Variants in FAF1 observed in about 807,000 individuals in gnomAD.
FAF1 encodes Fas associated factor 1.
FAF1 carries 25 observed loss-of-function variants against 92.5 expected under a neutral mutation model. The observed-to-expected ratio is 0.27, with a 90% confidence interval of 0.20 to 0.38. FAF1 has a LOEUF of 0.38. Ranked by LOEUF, FAF1 falls within the 10% of genes least tolerant of loss-of-function variation. The pLI is 1.00. For missense variants in FAF1, 636 were observed against 793.3 expected, an observed-to-expected ratio of 0.80 and a Z score of 2.38; for synonymous variants, 234 against 273.2, an observed-to-expected ratio of 0.86 and a Z score of 1.42.
At chr1:50,836,027 A>G (rs1644198066) in intron 2 of FAF1, among the ~76,000 whole-genome samples, 1 of 152,118 alleles carries the variant, frequency 6.6e-6, no homozygotes, top group South Asian at 2.1e-4. Flanking sequence ...TATTTCTCTA[A>G]AACACACTGT....
At chr1:50,608,036 G>A (rs936672253) in intron 8 of FAF1, among the ~76,000 whole-genome samples, 1 of 152,226 alleles carries the variant, frequency 6.6e-6, no homozygotes, top group South Asian at 2.1e-4. Context: ...TGCTCCTTGC[G>A]GAGCAGGGCT....
At chr1:50,647,196 C>G (rs1223415453) in intron 8 of FAF1, among the ~76,000 whole-genome samples, 1 of 152,108 alleles carries the variant, frequency 6.6e-6, no homozygotes, top group Non-Finnish European at 1.5e-5. Flanking sequence ...GAAGCTTAAC[C>G]TAACTTAATA....
At chr1:50,639,759 C>A (rs1387302444) in intron 8 of FAF1, among the ~76,000 whole-genome samples, 2 of 151,864 alleles carry the variant, frequency 1.3e-5, no homozygotes, top group South Asian at 2.1e-4. Context: ...TATGGTGAAA[C>A]CCTGTCTCTA....
chr1:50,768,510 C>A (rs957228291), intron 4 of FAF1, among the ~76,000 whole-genome samples: 1 of 152,032 alleles, frequency 6.6e-6, no homozygotes, highest in African/African-American at 2.4e-5. Flanking sequence ...ATGGTACATA[C>A]TCTAAATTCC....
intron 4 of FAF1, among the ~76,000 whole-genome samples, chr1:50,776,782 AAAGT>A (rs1660979784): frequency 6.6e-6 from 1 of 152,236 alleles, no homozygotes. Context: ...TTAAACTAAG[AAAGT>A]AAAGGCTAAA....
At position 50,691,741 on chromosome 1, in the gene FAF1, C is replaced by A. The variant is rs563075925; in HGVS notation, c.657+14045G>T. Among the ~76,000 whole-genome samples, 56 of 152,296 alleles carry A rather than the reference C, an allele frequency of 3.7e-4. No individual in the cohort carries two copies. In the East Asian group the frequency reaches 0.011, roughly 29 times the overall value. ...AAGTAGCTGGCATTATAGGCATGCA[C>A]CACCACGCCCGGCTAATTTTGTATT... On this transcript the variant is annotated intron_variant, in intron 7 of 18. Coordinates refer to ENST00000396153, the MANE Select transcript of FAF1 (RefSeq NM_007051.3).
chr1:50,884,264 C>T (rs918395454), intron 1 of FAF1, among the ~76,000 whole-genome samples: 3 of 152,006 alleles, frequency 2.0e-5, no homozygotes, highest in Non-Finnish European at 4.4e-5. Context: ...CCTGTAATCC[C>T]AGCACTTTGG....
intron 4 of FAF1, among the ~76,000 whole-genome samples, chr1:50,762,551 CT>C (rs1234431208): frequency 1.3e-5 from 2 of 152,128 alleles, no homozygotes; most frequent in Non-Finnish European, 1.5e-5. Flanking sequence ...CTACAACTAT[CT>C]GATCTTTGAC....
intron 4 of FAF1, among the ~76,000 whole-genome samples, chr1:50,761,127 G>C: frequency 6.6e-6 from 1 of 152,106 alleles, no homozygotes. Context: ...ACCCTCCCAA[G>C]ACTAAACCAG....
chr1:50,625,633 G>A (rs1307719649), intron 8 of FAF1, among the ~76,000 whole-genome samples: 2 of 152,106 alleles, frequency 1.3e-5, no homozygotes, highest in Non-Finnish European at 2.9e-5. Flanking sequence ...AGAAAGAAAT[G>A]ATATGCATAA....
At chr1:50,864,097 CTTCT>C (rs1455164811) in intron 1 of FAF1, among the ~76,000 whole-genome samples, 2 of 151,390 alleles carry the variant, frequency 1.3e-5, no homozygotes, top group Non-Finnish European at 3.0e-5. Flanking sequence ...TCTCTCTTTT[CTTCT>C]TTATTAGTCT....
intron 18 of FAF1, among the ~76,000 whole-genome samples, chr1:50,447,951 T>C (rs1314909991): frequency 6.6e-6 from 1 of 152,258 alleles, no homozygotes; most frequent in African/African-American, 2.4e-5. Context: ...AGTATGACTT[T>C]GGACGAGTCA....
chr1:50,689,291 A>T (rs80336075), intron 7 of FAF1, among the ~76,000 whole-genome samples: 2 of 152,106 alleles, frequency 1.3e-5, no homozygotes, highest in African/African-American at 4.8e-5. Flanking sequence ...GAGAACTGAA[A>T]ACATATGTCC....
At chr1:50,535,944 C>T (rs571011152) in intron 14 of FAF1, among the ~76,000 whole-genome samples, 3 of 152,116 alleles carry the variant, frequency 2.0e-5, no homozygotes, top group Admixed American at 6.5e-5. Context: ...ACCTCTCTGA[C>T]TAAGGTCAAG....
At chr1:50,468,461 T>A (rs1181372317) in intron 18 of FAF1, among the ~76,000 whole-genome samples, 1 of 139,492 alleles carries the variant, frequency 7.2e-6, no homozygotes, top group Non-Finnish European at 1.6e-5. Context: ...CTTGGCTAAT[T>A]TTTTTTTTTT....
intron 12 of FAF1, among the ~76,000 whole-genome samples, chr1:50,568,459 AATC>A (rs1451004614): frequency 6.6e-6 from 1 of 152,176 alleles, no homozygotes; most frequent in Non-Finnish European, 1.5e-5. Context: ...TAGTAATAGT[AATC>A]ATCATTAAAA....
intron 1 of FAF1, among the ~76,000 whole-genome samples, chr1:50,878,717 T>A (rs1019270915): frequency 2.0e-5 from 3 of 152,164 alleles, no homozygotes; most frequent in African/African-American, 7.2e-5. Context: ...TTAAAATCCT[T>A]ACACATTAAA....
At chr1:50,756,069 A>T (rs926608177) in intron 4 of FAF1, among the ~76,000 whole-genome samples, 1 of 152,154 alleles carries the variant, frequency 6.6e-6, no homozygotes, top group East Asian at 1.9e-4. Context: ...CTTATTACTT[A>T]TGCAAATTTC....
At chr1:50,712,526 C>T (rs993053946) in intron 6 of FAF1, among the ~76,000 whole-genome samples, 4 of 152,070 alleles carry the variant, frequency 2.6e-5, no homozygotes, top group Non-Finnish European at 4.4e-5. Flanking sequence ...CGTGGTGGCA[C>T]ACGCCTCTAA....
Sources: gnomAD v4.1 joint callset for allele counts (sites outside exome capture counted in the v4.1 genomes callset) on GRCh38, gnomAD v4.1.1 for gene constraint, MANE v1.5 for transcripts, NCBI Gene and HGNC (gene_info 2026-07-23, HGNC 2026-07-21) for gene names.